The following PTPRJ variants were observed in gnomAD, a reference collection of about 807,000 sequenced individuals.
PTPRJ encodes receptor-type tyrosine-protein phosphatase eta.
A neutral mutation model predicts 141.3 loss-of-function variants in PTPRJ; 129 were observed. The ratio of observed to expected loss-of-function variants is 0.91; its 90% CI spans 0.79 to 1.06. PTPRJ has a LOEUF of 1.06. Among genes scored for constraint, PTPRJ ranks in the 50% least tolerant of loss-of-function variants. The pLI is 0.00. For missense variants in PTPRJ, 1,601 were observed against 1,679.7 expected (o/e 0.95, Z 0.82); for synonymous variants, 610 against 640.5 (o/e 0.95, Z 0.72).
chr11:48,139,955 C>T (rs986646281), intron 11 of PTPRJ, among the ~76,000 whole-genome samples, 179 bp downstream of exon 11: 25 of 152,200 alleles, frequency 1.6e-4, no homozygotes, highest in African/African-American at 6.0e-4. Context: ...TCTAAAAAAG[C>T]AGAGTAAGAG....
At chr11:48,135,299 C>T (rs1857071010) in intron 8 of PTPRJ, among the ~76,000 whole-genome samples, 1 of 151,120 alleles carries the variant, frequency 6.6e-6, no homozygotes, top group African/African-American at 2.4e-5. Flanking sequence ...CTCAGCCTCC[C>T]AAGTAGCTGG....
intron 1 of PTPRJ, among the ~76,000 whole-genome samples, chr11:48,107,993 A>G (rs1856339228): frequency 6.6e-6 from 1 of 152,210 alleles, no homozygotes; most frequent in Non-Finnish European, 1.5e-5. Context: ...CTTAGGTGAG[A>G]GGATCGCTTG....
At chr11:48,069,185 C>T (rs1035339439) in intron 1 of PTPRJ, among the ~76,000 whole-genome samples, 5 of 151,860 alleles carry the variant, frequency 3.3e-5, no homozygotes, top group South Asian at 2.1e-4. Context: ...TTGCAACCTC[C>T]GCCTCCCGGG....
intron 1 of PTPRJ, among the ~76,000 whole-genome samples, chr11:48,084,144 A>G (rs1855634887): frequency 1.3e-5 from 2 of 152,012 alleles, no homozygotes; most frequent in Admixed American, 1.3e-4. Flanking sequence ...GAGCAAAGAG[A>G]GAATCTAGTT....
chr11:48,005,971 C>G (rs2134194959), intron 1 of PTPRJ, among the ~76,000 whole-genome samples: 1 of 152,368 alleles, frequency 6.6e-6, no homozygotes, highest in African/African-American at 2.4e-5. Context: ...CCTGCCCCTG[C>G]TGGGCCAGGC....
chr11:48,139,560 C>G lies in PTPRJ; in HGVS notation c.2227C>G (p.Pro743Ala), dbSNP rs751540055. Residue 743 changes from proline to alanine, a missense_variant, in exon 11 of 25, where the codon CCT becomes GCT. By Grantham distance (27) the Pro-to-Ala change is conservative. Transcript: ENST00000418331. ...EPALVLKWTC[P>A]PGANAGFELE... is the part of the protein sequence containing the mutation. Reference sequence around the variant, plus strand: ...AGCCCTGGTTCTCAAATGGACCTGCCCTCCTGGCGCCAATGCAGGCTTTGA... The same window carrying G: ...AGCCCTGGTTCTCAAATGGACCTGCGCTCCTGGCGCCAATGCAGGCTTTGA... 1 of 1,614,240 alleles carries G rather than the reference C, an allele frequency of 6.2e-7. No homozygotes were observed. The highest frequency in any genetic ancestry group is 8.5e-7 in the Non-Finnish European group (1 of 1,180,044).
chr11:48,111,046 G>T (rs577413628), intron 2 of PTPRJ, among the ~76,000 whole-genome samples: 3 of 152,148 alleles, frequency 2.0e-5, no homozygotes, highest in African/African-American at 7.2e-5. Flanking sequence ...GGAGGCTGAG[G>T]CAGGTGGATC....
intron 1 of PTPRJ, among the ~76,000 whole-genome samples, chr11:48,085,844 A>G (rs1367888554): frequency 6.6e-6 from 1 of 152,092 alleles, no homozygotes; most frequent in Non-Finnish European, 1.5e-5. Flanking sequence ...CAGTAGCCCT[A>G]TGTCAGGTGG....
intron 1 of PTPRJ, among the ~76,000 whole-genome samples, chr11:48,063,918 ATG>A (rs113736420): frequency 0.03 from 4,342 of 147,150 alleles, 94 homozygotes; most frequent in African/African-American, 0.062. Flanking sequence ...TTCTCAGCTT[ATG>A]TGTGTGTGTG....
intron 1 of PTPRJ, among the ~76,000 whole-genome samples, chr11:48,077,858 T>C (rs1168923348): frequency 6.6e-6 from 1 of 152,212 alleles, no homozygotes; most frequent in Non-Finnish European, 1.5e-5. Flanking sequence ...TGAACAAATA[T>C]TCTACTCATT....
intron 10 of PTPRJ, 84 bp from the exon 11 acceptor site, chr11:48,139,402 C>G (rs1857179704): frequency 6.9e-7 from 1 of 1,447,168 alleles, no homozygotes; most frequent in South Asian, 1.3e-5. Flanking sequence ...ACCTTCTCAT[C>G]CCCAGGATTC....
chr11:48,078,548 C>T (rs887451441), intron 1 of PTPRJ, among the ~76,000 whole-genome samples: 5 of 151,890 alleles, frequency 3.3e-5, no homozygotes, highest in African/African-American at 7.3e-5. Context: ...TAGGAGTGAG[C>T]GGGATGGATT....
intron 1 of PTPRJ, among the ~76,000 whole-genome samples, chr11:48,038,099 T>C (rs1477285871): frequency 6.6e-6 from 1 of 152,110 alleles, no homozygotes; most frequent in Non-Finnish European, 1.5e-5. Flanking sequence ...ATGGAGCGCT[T>C]TTCTATCTGG....
At chr11:48,072,352 G>C (rs1347237048) in intron 1 of PTPRJ, among the ~76,000 whole-genome samples, 1 of 152,186 alleles carries the variant, frequency 6.6e-6, no homozygotes, top group Non-Finnish European at 1.5e-5. Context: ...AAAGAGGGCT[G>C]AACTTGCCCT....
rs968463261 is a variant in PTPRJ at position 48,063,944 on chromosome 11, GTT to G, written c.97-46110_97-46109del. On this transcript the variant is annotated intron_variant, in intron 1 of 24. Coordinates refer to ENST00000418331, the MANE Select transcript of PTPRJ (RefSeq NM_002843.4). ...TGTGTGTGTGTGTGTGTGTGTGTGT[GTT>G]TTTAAAAAGAGCTCATATTTTGGCT... Among the ~76,000 whole-genome samples the G allele has an allele frequency of 2.0e-5, 3 of 150,780 alleles. 1 individual carries two copies. The highest frequency in any genetic ancestry group is 7.3e-5 in the African/African-American group (3 of 40,858).
At chr11:47,984,710 C>T (rs1042726461) in intron 1 of PTPRJ, among the ~76,000 whole-genome samples, 2 of 151,984 alleles carry the variant, frequency 1.3e-5, no homozygotes, top group Non-Finnish European at 2.9e-5. Context: ...AGGCGTATGC[C>T]GCCATACCTG....
intron 1 of PTPRJ, among the ~76,000 whole-genome samples, chr11:47,986,373 C>G (rs1380040806): frequency 6.6e-6 from 1 of 152,164 alleles, no homozygotes; most frequent in African/African-American, 2.4e-5. Flanking sequence ...ACTAACACTT[C>G]CTGCTTCACT....
chr11:48,143,109 C>G (rs1857273898), intron 12 of PTPRJ, 59 bp downstream of exon 12: 1 of 1,595,982 alleles, frequency 6.3e-7, no homozygotes. Context: ...CCAGAGCTTT[C>G]TCTGTGCCCA....
chr11:48,070,226 C>T (rs61914736), intron 1 of PTPRJ, among the ~76,000 whole-genome samples: 4,624 of 152,132 alleles, frequency 0.03, 106 homozygotes, highest in Non-Finnish European at 0.046. Context: ...AGGGGCTGGG[C>T]GCGGTGGCTC....
Sources: allele counts gnomAD v4.1 joint callset (sites outside exome capture counted in the v4.1 genomes callset), GRCh38; gene constraint gnomAD v4.1.1; transcripts MANE v1.5; gene names NCBI Gene and HGNC (gene_info 2026-07-23, HGNC 2026-07-21).